The following MEMO1 variants were observed in gnomAD, a reference collection of about 807,000 sequenced individuals.
MEMO1 encodes protein MEMO1.
Under a neutral mutation model 45.2 loss-of-function variants are expected in MEMO1, and 6 were observed. That is an observed-to-expected ratio of 0.13 (90% confidence interval 0.07 to 0.26). The LOEUF is 0.26. Among genes scored for constraint, MEMO1 ranks in the 10% least tolerant of loss-of-function variants. The probability of loss-of-function intolerance (pLI) is 1.00; values close to 1 mark genes in which losing one functional copy is unlikely to be tolerated. For missense variants in MEMO1, 184 were observed against 370.5 expected (o/e 0.50, Z 4.13); for synonymous variants, 78 against 124.3 (o/e 0.63, Z 2.48).
At position 31,973,359 on chromosome 2, in the gene MEMO1, C is replaced by G. The variant is rs373292386; in HGVS notation, c.62-29976G>C. On this transcript the variant is annotated intron_variant, in intron 2 of 9. Transcript: ENST00000404530. ...ATCCCAGCTACTTGGGAGGCTGAGG[C>G]AGGAGAATTGCTTGAACCCAGGAGA... Among the ~76,000 whole-genome samples, 338 of 151,870 alleles carry G rather than the reference C, an allele frequency of 2.2e-3. 1 individual carries two copies. The highest frequency in any genetic ancestry group is 0.01 in the Middle Eastern group (3 of 294).
intron 5 of MEMO1, 98 bp downstream of exon 5, chr2:31,920,700 G>T: frequency 1.7e-6 from 1 of 584,112 alleles, no homozygotes; most frequent in Non-Finnish European, 2.7e-6. Context: ...TAAATATTGA[G>T]ATATTACTTA....
At chr2:31,901,840 T>C (rs1332799915) in intron 6 of MEMO1, among the ~76,000 whole-genome samples, 1 of 151,014 alleles carries the variant, frequency 6.6e-6, no homozygotes, top group Non-Finnish European at 1.5e-5. Flanking sequence ...ACCAGGAAGG[T>C]AGAGGTTGCA....
chr2:31,928,051 C>G (rs1357575654), intron 4 of MEMO1, among the ~76,000 whole-genome samples: 3 of 152,216 alleles, frequency 2.0e-5, no homozygotes, highest in Admixed American at 2.0e-4. Context: ...TGGATCATAG[C>G]AGTCACTTAA....
At chr2:31,992,960 A>C (rs1252943019) in intron 2 of MEMO1, among the ~76,000 whole-genome samples, 2 of 152,178 alleles carry the variant, frequency 1.3e-5, no homozygotes, top group African/African-American at 4.8e-5. Flanking sequence ...AGAAAATCAA[A>C]AGTCAAATGG....
chr2:31,962,100 A>T (rs1036465091), intron 2 of MEMO1, among the ~76,000 whole-genome samples: 9 of 152,166 alleles, frequency 5.9e-5, no homozygotes, highest in African/African-American at 1.9e-4. Context: ...AGGTTGATAC[A>T]AAGAATGGCC....
At chr2:31,952,764 T>C (rs1028838819) in intron 2 of MEMO1, among the ~76,000 whole-genome samples, 2 of 152,224 alleles carry the variant, frequency 1.3e-5, no homozygotes, top group African/African-American at 4.8e-5. Context: ...TTGAGGAATA[T>C]GTATGAGGAG....
At chr2:31,936,092 T>C (rs1664888164) in intron 3 of MEMO1, among the ~76,000 whole-genome samples, 1 of 151,826 alleles carries the variant, frequency 6.6e-6, no homozygotes, top group African/African-American at 2.4e-5. Flanking sequence ...GCCTCCCGAG[T>C]AGCTGGGACT....
intron 2 of MEMO1, among the ~76,000 whole-genome samples, chr2:31,972,433 G>A (rs568451654): frequency 2.6e-5 from 4 of 152,280 alleles, no homozygotes; most frequent in East Asian, 1.9e-4. Flanking sequence ...AGTATGGGCC[G>A]AATGCAGTGG....
At chr2:31,949,008 G>A (rs1312881980) in intron 2 of MEMO1, among the ~76,000 whole-genome samples, 2 of 152,096 alleles carry the variant, frequency 1.3e-5, no homozygotes, top group Admixed American at 6.5e-5. Context: ...CATATGAAAA[G>A]GTGCTCAACA....
At chr2:31,913,353 C>T (rs1344806225) in intron 6 of MEMO1, among the ~76,000 whole-genome samples, 3 of 150,022 alleles carry the variant, frequency 2.0e-5, no homozygotes, top group African/African-American at 7.4e-5. Flanking sequence ...TGGGGGGAAG[C>T]TTAAAAGCTA....
chr2:31,946,636 T>C (rs928700805), intron 2 of MEMO1, among the ~76,000 whole-genome samples: 4 of 152,022 alleles, frequency 2.6e-5, no homozygotes, highest in African/African-American at 7.3e-5. Context: ...CCAACACAGG[T>C]GGATCACCTG....
intron 6 of MEMO1, among the ~76,000 whole-genome samples, chr2:31,894,927 G>A (rs1449630645): frequency 6.6e-6 from 1 of 152,066 alleles, no homozygotes; most frequent in Non-Finnish European, 1.5e-5. Flanking sequence ...AAGTCTTTCT[G>A]GCTCAAGGTG....
intron 2 of MEMO1, among the ~76,000 whole-genome samples, chr2:31,989,245 A>G (rs1214668688): frequency 6.6e-6 from 1 of 151,138 alleles, no homozygotes; most frequent in African/African-American, 2.4e-5. Context: ...AAAAAAAAAG[A>G]AAGAAAGAAA....
chr2:31,909,803 CAGA>C (rs1166945246), intron 6 of MEMO1, among the ~76,000 whole-genome samples: 8 of 151,878 alleles, frequency 5.3e-5, no homozygotes, highest in Non-Finnish European at 7.4e-5. Flanking sequence ...ATGGGAATAG[CAGA>C]AGGAGAGAAA....
chr2:31,914,086 A>T (rs909831078), intron 6 of MEMO1, among the ~76,000 whole-genome samples: 4 of 152,308 alleles, frequency 2.6e-5, no homozygotes, highest in Middle Eastern at 3.4e-3. Context: ...ATAGACGAGA[A>T]CCAAGATGAA....
chr2:31,963,357 T>G, intron 2 of MEMO1: 1 of 1,225,658 alleles, frequency 8.2e-7, no homozygotes, highest in Non-Finnish European at 1.0e-6. Context: ...CATACCCTAC[T>G]GGTTCTGTTT....
At chr2:31,899,223 C>A (rs1678384688) in intron 6 of MEMO1, among the ~76,000 whole-genome samples, 1 of 152,084 alleles carries the variant, frequency 6.6e-6, no homozygotes, top group Admixed American at 6.5e-5. Context: ...GCCCATATAG[C>A]CAAGACAATC....
chr2:31,959,688 A>C (rs531732536), intron 2 of MEMO1, among the ~76,000 whole-genome samples: 63 of 152,290 alleles, frequency 4.1e-4, no homozygotes, highest in Admixed American at 7.2e-4. Context: ...TAAACTTCCT[A>C]TTTCATCACC....
At chr2:31,963,060 A>G in intron 2 of MEMO1, 3 of 1,344,338 alleles carry the variant, frequency 2.2e-6, no homozygotes, top group Non-Finnish European at 2.9e-6. Context: ...TCACCTTCAA[A>G]CTGAAATACT....
Sources: allele counts gnomAD v4.1 joint callset (sites outside exome capture counted in the v4.1 genomes callset), GRCh38; gene constraint gnomAD v4.1.1; transcripts MANE v1.5; gene names NCBI Gene and HGNC (gene_info 2026-07-23, HGNC 2026-07-21).